Variants in RAB5C observed in about 807,000 individuals in gnomAD.
RAB5C encodes the protein ras-related protein Rab-5C.
In RAB5C, 4 loss-of-function variants were observed where a neutral mutation model predicts 25.2. That is an observed-to-expected ratio of 0.16 (90% CI 0.08 to 0.36). The LOEUF (loss-of-function observed/expected upper bound fraction) is 0.36. RAB5C is among the 10% of genes least tolerant of loss of function. RAB5C has a pLI of 1.00. For missense variants in RAB5C, 199 were observed against 283.8 expected (o/e 0.70, Z 2.15); for synonymous variants, 100 against 106.4 (o/e 0.94, Z 0.37).
At chr17:42,139,736 C>G (rs767217940) in intron 1 of RAB5C, among the ~76,000 whole-genome samples, 10 of 152,174 alleles carry the variant, frequency 6.6e-5, no homozygotes, top group African/African-American at 9.7e-5. Context: ...CTGTCTAGGG[C>G]TGCTCTCTCA....
chr17:42,145,011 A>G (rs2079625729), intron 1 of RAB5C, among the ~76,000 whole-genome samples: 1 of 140,856 alleles, frequency 7.1e-6, no homozygotes. Flanking sequence ...AAAAATACAA[A>G]AAAATTAGCC....
At chr17:42,133,825 A>C (rs2054510077) in intron 1 of RAB5C, among the ~76,000 whole-genome samples, 1 of 152,218 alleles carries the variant, frequency 6.6e-6, no homozygotes, top group Admixed American at 6.5e-5. Flanking sequence ...AGCTAAGAGT[A>C]CTGACAGGGT....
Position 42,128,812 on chromosome 17 carries a change from A to T in RAB5C, c.167-12T>A. 1 of 1,470,814 alleles carries T rather than the reference A, an allele frequency of 6.8e-7. No homozygotes were observed. Among genetic ancestry groups the T allele is most frequent in the South Asian group, 1.5e-5 (1 of 66,812 alleles). The allele number at this position is 1,470,814 out of a possible 1,614,324, so 91.1% of individuals were successfully genotyped here. ...TGTGAGGAAGGCCGCTGTAAGAGAG[A>T]AGGAGCGTCCATGGGCAAGAGCGAG... is the stretch of plus-strand genomic sequence containing the variant. On this transcript the variant is annotated splice_polypyrimidine_tract_variant and intron_variant, in intron 2 of 5. Coordinates refer to ENST00000346213, the MANE Select transcript of RAB5C (RefSeq NM_004583.4).
At position 42,127,547 on chromosome 17, in the gene RAB5C, C is replaced by CT. The variant is rs113883357; in HGVS notation, c.442-700dup. On this transcript the variant is annotated intron_variant, in intron 4 of 5. Transcript: ENST00000346213. The stretch of plus-strand genomic sequence containing the variant: ...AGGCCCATGCTTTTTTTATTCTTTT[C>CT]TTTTTTTTTTTTTTGAGACAGGATC... Among the ~76,000 whole-genome samples, 1,268 of 143,000 alleles carry CT rather than the reference C, an allele frequency of 8.9e-3. 12 individuals are homozygous for CT. Among genetic ancestry groups the CT allele is most frequent in the African/African-American group, 0.024 (960 of 39,398 alleles). 93.8% of individuals were successfully genotyped at this position (143,000 alleles called of 152,430 possible). A position where few individuals can be genotyped will look rare whatever the true frequency, so the allele number is the denominator to read the frequency against.
chr17:42,128,117 CATGCCTGAGGCACGAGAGGACAGCAG>C, intron 4 of RAB5C, 118 bp downstream of exon 4: 1 of 1,217,330 alleles, frequency 8.2e-7, no homozygotes, highest in South Asian at 1.6e-5. Flanking sequence ...ATGTTAGGCC[CATGCCTGAGGCACGAGAGGACAGCAG>C]ATGGAAGCTT....
chr17:42,143,264 A>T (rs2079613209), intron 1 of RAB5C, among the ~76,000 whole-genome samples: 1 of 152,216 alleles, frequency 6.6e-6, no homozygotes, highest in Non-Finnish European at 1.5e-5. Context: ...ATGTCAACAT[A>T]CCTGAGAGAA....
chr17:42,130,218 G>A, intron 2 of RAB5C, 119 bp downstream of exon 2: 1 of 1,391,236 alleles, frequency 7.2e-7, no homozygotes. Context: ...AGGAAGTGGG[G>A]CTGCCACCAC....
chr17:42,150,728 C>T (rs569097100), intron 1 of RAB5C, among the ~76,000 whole-genome samples: 3 of 148,090 alleles, frequency 2.0e-5, no homozygotes, highest in Admixed American at 1.4e-4. Context: ...AAAAATTAGC[C>T]GGGCATGATG....
chr17:42,146,230 G>A (rs967009279), intron 1 of RAB5C, among the ~76,000 whole-genome samples: 11 of 152,242 alleles, frequency 7.2e-5, no homozygotes, highest in African/African-American at 2.6e-4. Context: ...AGGTAACATG[G>A]GATCCTGGAA....
intron 1 of RAB5C, among the ~76,000 whole-genome samples, chr17:42,138,679 G>A (rs2054561867): frequency 6.6e-6 from 1 of 152,134 alleles, no homozygotes; most frequent in South Asian, 2.1e-4. Flanking sequence ...CCACAATCAG[G>A]CCCTGATGGG....
At chr17:42,153,458 T>C (rs1176835217) in intron 1 of RAB5C, among the ~76,000 whole-genome samples, 2 of 151,910 alleles carry the variant, frequency 1.3e-5, no homozygotes, top group Non-Finnish European at 1.5e-5. Context: ...ACATCCTAGC[T>C]CTACTCAAAA....
intron 1 of RAB5C, among the ~76,000 whole-genome samples, chr17:42,140,803 G>A (rs946647643): frequency 1.3e-5 from 2 of 151,982 alleles, no homozygotes; most frequent in South Asian, 4.2e-4. Context: ...TGGGATTACA[G>A]GCATGAGCCA....
intron 1 of RAB5C, among the ~76,000 whole-genome samples, chr17:42,143,089 G>C (rs2079612323): frequency 6.6e-6 from 1 of 152,206 alleles, no homozygotes; most frequent in Admixed American, 6.5e-5. Flanking sequence ...GTATGAATGG[G>C]TGAGTAGAAC....
At chr17:42,134,437 C>T (rs1245304672) in intron 1 of RAB5C, among the ~76,000 whole-genome samples, 2 of 152,128 alleles carry the variant, frequency 1.3e-5, no homozygotes, top group South Asian at 4.1e-4. Context: ...AATTAGCCAA[C>T]GTGGTGGTAC....
intron 1 of RAB5C, among the ~76,000 whole-genome samples, chr17:42,136,840 A>G (rs1047504951): frequency 3.3e-5 from 5 of 152,222 alleles, no homozygotes; most frequent in Non-Finnish European, 7.3e-5. Context: ...CCCAAGACTC[A>G]TAACTCAAGC....
At chr17:42,143,933 G>A (rs182843126) in intron 1 of RAB5C, among the ~76,000 whole-genome samples, 51 of 152,010 alleles carry the variant, frequency 3.4e-4, no homozygotes, top group Admixed American at 1.9e-3. Context: ...TTACAAGCGT[G>A]CACCATCATA....
chr17:42,129,353 C>A (rs1350370380), intron 2 of RAB5C, among the ~76,000 whole-genome samples: 1 of 152,158 alleles, frequency 6.6e-6, no homozygotes, highest in Non-Finnish European at 1.5e-5. Context: ...CCACCCCTAC[C>A]ACCTCCAGGC....
chr17:42,148,857 C>T (rs941527525), intron 1 of RAB5C, among the ~76,000 whole-genome samples: 7 of 152,210 alleles, frequency 4.6e-5, no homozygotes, highest in Non-Finnish European at 1.0e-4. Flanking sequence ...CACCCCATCT[C>T]TGCCATTACT....
intron 1 of RAB5C, among the ~76,000 whole-genome samples, chr17:42,143,174 A>C (rs888886318): frequency 1.3e-5 from 2 of 152,168 alleles, no homozygotes; most frequent in African/African-American, 2.4e-5. Context: ...GTCCACCTCT[A>C]CCTTTCCCAA....
Sources: allele counts gnomAD v4.1 joint callset (sites outside exome capture counted in the v4.1 genomes callset), GRCh38; gene constraint gnomAD v4.1.1; transcripts MANE v1.5; gene names NCBI Gene and HGNC (gene_info 2026-07-23, HGNC 2026-07-21).